Variants in CNTNAP3B observed in about 807,000 individuals in gnomAD.
CNTNAP3B encodes contactin associated protein family member 3B, also known as contactin-associated protein-like 3B.
A neutral mutation model predicts 108.9 loss-of-function variants in CNTNAP3B; 25 were observed. That is an observed-to-expected ratio of 0.23 (90% CI 0.17 to 0.32). The LOEUF (loss-of-function observed/expected upper bound fraction) is 0.32. Ranked by LOEUF, CNTNAP3B falls within the 10% of genes least tolerant of loss-of-function variation. The probability of loss-of-function intolerance (pLI) is 1.00; values close to 1 mark genes in which losing one functional copy is unlikely to be tolerated. For missense variants in CNTNAP3B, 252 were observed against 1,210.4 expected, an observed-to-expected ratio of 0.21 and a Z score of 11.75; for synonymous variants, 103 against 473.4, an observed-to-expected ratio of 0.22 and a Z score of 10.16.
intron 2 of CNTNAP3B, among the ~76,000 whole-genome samples, chr9:42,085,551 G>A (rs1277876017): frequency 2.9e-5 from 4 of 136,700 alleles, no homozygotes; most frequent in Non-Finnish European, 6.2e-5. Context: ...TTAAAGACAT[G>A]TACTTCATCT....
intron 10 of CNTNAP3B, among the ~76,000 whole-genome samples, chr9:41,966,463 G>C (rs2118240658): frequency 6.6e-6 from 1 of 152,392 alleles, no homozygotes; most frequent in Non-Finnish European, 1.5e-5. Context: ...GCATGCAGAA[G>C]ACCAACAGAG....
chr9:41,926,307 T>C (rs1420887179), intron 15 of CNTNAP3B, among the ~76,000 whole-genome samples: 1 of 152,164 alleles, frequency 6.6e-6, no homozygotes, highest in East Asian at 1.9e-4. Flanking sequence ...GCAGATCCCC[T>C]AGTCCCAGCT....
chr9:42,026,549 G>C lies in CNTNAP3B; in HGVS notation c.391-13024C>G, dbSNP rs559446222. Among the ~76,000 whole-genome samples the C allele has an allele frequency of 1.6e-4, 15 of 93,958 alleles. 2 individuals carry two copies. The South Asian group carries it at 4.3e-3, about 27-fold the overall frequency. 61.6% of individuals were successfully genotyped at this position (93,958 alleles called of 152,430 possible). ...TTGCAGCGAGCCCAGATGGCTCCAC[G>C]GCACGGCACTCCAGCCCGGGCGACA... On this transcript the variant is annotated intron_variant, in intron 3 of 23. Transcript: ENST00000377561.
At position 42,124,990 on chromosome 9, in the gene CNTNAP3B, G is replaced by A. The variant is rs1427836877; in HGVS notation, c.85+4020C>T. Among the ~76,000 whole-genome samples the A allele has an allele frequency of 3.0e-5, 4 of 132,348 alleles. 1 individual carries two copies. The highest frequency in any genetic ancestry group is 3.2e-5 in the Non-Finnish European group (2 of 63,090). 86.8% of individuals were successfully genotyped at this position (132,348 alleles called of 152,430 possible). A position where few individuals can be genotyped will look rare whatever the true frequency, so the allele number is the denominator to read the frequency against. On this transcript the variant is annotated intron_variant, in intron 1 of 23. Coordinates refer to ENST00000377561, the MANE Select transcript of CNTNAP3B (RefSeq NM_001201380.3). ...GTTTCCTTTAAACACAATTTTGAAT[G>A]GTTTTTTAAAGTAACCATTTGATTT...
chr9:41,923,481 G>A (rs1045476697), intron 16 of CNTNAP3B, among the ~76,000 whole-genome samples: 1 of 152,218 alleles, frequency 6.6e-6, no homozygotes, highest in African/African-American at 2.4e-5. Context: ...ATGATTACTG[G>A]CTGGGTGTGG....
At chr9:41,965,783 G>A (rs1825251880) in intron 10 of CNTNAP3B, among the ~76,000 whole-genome samples, 5 of 152,152 alleles carry the variant, frequency 3.3e-5, no homozygotes, top group Admixed American at 6.5e-5. Context: ...ACGACCAGCA[G>A]AGAACTGGGG....
intron 13 of CNTNAP3B, among the ~76,000 whole-genome samples, chr9:41,940,558 G>T (rs1193054092): frequency 1.3e-5 from 2 of 152,398 alleles, no homozygotes; most frequent in Admixed American, 6.5e-5. Flanking sequence ...GGTGGCTCAC[G>T]CCTGTAATCC....
At chr9:41,918,986 G>T (rs1357840659) in intron 18 of CNTNAP3B, among the ~76,000 whole-genome samples, 2 of 152,108 alleles carry the variant, frequency 1.3e-5, no homozygotes, top group African/African-American at 4.8e-5. Flanking sequence ...GCTAAAAATA[G>T]TAAGTGTAAC....
intron 13 of CNTNAP3B, among the ~76,000 whole-genome samples, chr9:41,950,956 C>G (rs535596096): frequency 6.6e-4 from 94 of 142,366 alleles, no homozygotes; most frequent in African/African-American, 2.1e-3. Flanking sequence ...GGGGTTTCAT[C>G]GTGTTAGCCA....
chr9:42,070,689 C>A (rs1193482057), intron 3 of CNTNAP3B, among the ~76,000 whole-genome samples: 1 of 152,170 alleles, frequency 6.6e-6, no homozygotes, highest in Non-Finnish European at 1.5e-5. Flanking sequence ...GGTACCGAGT[C>A]AGTCCAGACA....
Position 42,111,474 on chromosome 9 carries a change from T to C in CNTNAP3B, c.86-6735A>G, listed in dbSNP as rs1277941479. ...GAAAATAGTCACGCTCCTAAGCTGG[T>C]AAACGGTATGCCTGAAGCTAAGGCA... is the stretch of plus-strand genomic sequence containing the variant. On this transcript the variant is annotated intron_variant, in intron 1 of 23. Coordinates refer to ENST00000377561, the MANE Select transcript of CNTNAP3B (RefSeq NM_001201380.3). 8.0e-5 allele frequency among the ~76,000 whole-genome samples: 11 copies of C among 138,228 alleles called. 2 individuals carry two copies. The highest frequency in any genetic ancestry group is 1.1e-4 in the Non-Finnish European group (7 of 64,722). The allele number at this position is 138,228 out of a possible 152,430, so 90.7% of individuals were successfully genotyped here.
In CNTNAP3B at chr9:42,115,110, A is replaced by G. The variant is rs1359307575; in HGVS notation, c.86-10371T>C. ...GGAACATTAAAAGGAGGCAATATAA[A>G]GCAAAGTGAGTTAAAGCCCAGAACA... On this transcript the variant is annotated intron_variant, in intron 1 of 23. Coordinates refer to ENST00000377561, the MANE Select transcript of CNTNAP3B (RefSeq NM_001201380.3). Among the ~76,000 whole-genome samples the G allele has an allele frequency of 2.2e-5, 3 of 138,298 alleles. 1 individual carries two copies. The highest frequency in any genetic ancestry group is 3.1e-5 in the Non-Finnish European group (2 of 64,682). The allele number at this position is 138,298 out of a possible 152,430, so 90.7% of individuals were successfully genotyped here.
At chr9:42,044,861 T>C (rs1263882933) in intron 3 of CNTNAP3B, among the ~76,000 whole-genome samples, 1 of 120,260 alleles carries the variant, frequency 8.3e-6, no homozygotes, top group East Asian at 3.0e-4. Flanking sequence ...CAGAGAAAAA[T>C]CCTGAGCAAT....
At chr9:41,997,255 T>C (rs1179549389) in intron 6 of CNTNAP3B, among the ~76,000 whole-genome samples, 1 of 151,790 alleles carries the variant, frequency 6.6e-6, no homozygotes, top group Non-Finnish European at 1.5e-5. Context: ...ACAAGTGTAA[T>C]ATACCAGATG....
intron 18 of CNTNAP3B, among the ~76,000 whole-genome samples, chr9:41,916,418 T>A (rs1823518492): frequency 6.6e-6 from 1 of 151,790 alleles, no homozygotes; most frequent in South Asian, 2.1e-4. Flanking sequence ...CATTTATTAG[T>A]GCTATTTGTT....
At chr9:42,068,084 C>A (rs1269688441) in intron 3 of CNTNAP3B, among the ~76,000 whole-genome samples, 1 of 134,536 alleles carries the variant, frequency 7.4e-6, no homozygotes, top group Non-Finnish European at 1.6e-5. Flanking sequence ...ACTGCTTAGA[C>A]CAGCACACTT....
intron 12 of CNTNAP3B, among the ~76,000 whole-genome samples, chr9:41,958,137 T>C (rs1314320477): frequency 6.6e-6 from 1 of 152,190 alleles, no homozygotes; most frequent in Non-Finnish European, 1.5e-5. Context: ...AGACAAGGTC[T>C]TTCTCTGTTG....
intron 1 of CNTNAP3B, among the ~76,000 whole-genome samples, chr9:42,113,371 T>G (rs1828236861): frequency 7.2e-6 from 1 of 139,320 alleles, no homozygotes; most frequent in Non-Finnish European, 1.5e-5. Flanking sequence ...ATTATACTTC[T>G]GTGATAAATT....
At chr9:41,959,584 C>T (rs1824996102) in intron 12 of CNTNAP3B, among the ~76,000 whole-genome samples, 1 of 152,428 alleles carries the variant, frequency 6.6e-6, no homozygotes, top group African/African-American at 2.4e-5. Context: ...TCTCACTTTG[C>T]TTTCATTGTT....
Sources: gnomAD v4.1 joint callset for allele counts (sites outside exome capture counted in the v4.1 genomes callset) on GRCh38, gnomAD v4.1.1 for gene constraint, MANE v1.5 for transcripts, NCBI Gene and HGNC (gene_info 2026-07-23, HGNC 2026-07-21) for gene names.